EPB41L2: variants seen among roughly 807,000 people sequenced by gnomAD.
The protein encoded by EPB41L2 is band 4.1-like protein 2.
Under a neutral mutation model 113.0 loss-of-function variants are expected in EPB41L2, and 43 were observed. The ratio of observed to expected loss-of-function variants is 0.38; its 90% confidence interval spans 0.30 to 0.49. EPB41L2 has a LOEUF of 0.49. Ranked by LOEUF, EPB41L2 falls within the 20% of genes least tolerant of loss-of-function variation. EPB41L2 has a pLI of 0.95. For missense variants in EPB41L2, 1,147 were observed against 1,223.4 expected, an observed-to-expected ratio of 0.94 and a Z score of 0.93; for synonymous variants, 442 against 436.7, an observed-to-expected ratio of 1.01 and a Z score of -0.15.
intron 8 of EPB41L2, among the ~76,000 whole-genome samples, chr6:130,898,819 A>C (rs1478733450): frequency 1.3e-5 from 2 of 152,150 alleles, no homozygotes; most frequent in African/African-American, 2.4e-5. Flanking sequence ...ATGTCTTTTA[A>C]ATAACTTTTA....
chr6:130,919,484 C>G (rs535401236), intron 4 of EPB41L2, among the ~76,000 whole-genome samples: 1 of 127,416 alleles, frequency 7.8e-6, no homozygotes, highest in South Asian at 3.0e-4. Flanking sequence ...TTTCCTCTCC[C>G]TCTAATTTTC....
intron 1 of EPB41L2, among the ~76,000 whole-genome samples, chr6:131,032,518 C>G (rs2128751769): frequency 6.6e-6 from 1 of 152,160 alleles, no homozygotes; most frequent in East Asian, 1.9e-4. Context: ...TCTCAAGAAC[C>G]AGTAGTGAGG....
At position 130,884,106 on chromosome 6, in the gene EPB41L2, AG is replaced by A. The variant is rs577051651; in HGVS notation, c.1833+989del. ...TCCCAGCACTTTGGGAAGCTGAGGC[AG>A]GTGGATCACTTGAGGTCAGGAGTTC... On this transcript the variant is annotated intron_variant, in intron 12 of 19. Coordinates refer to ENST00000337057, the MANE Select transcript of EPB41L2 (RefSeq NM_001431.4). Among the ~76,000 whole-genome samples, 36 of 152,304 alleles carry A rather than the reference AG, an allele frequency of 2.4e-4. 1 individual carries two copies. The South Asian group carries it at 6.8e-3, about 29-fold the overall frequency.
intron 1 of EPB41L2, among the ~76,000 whole-genome samples, chr6:131,035,010 C>T (rs1793003089): frequency 6.6e-6 from 1 of 152,152 alleles, no homozygotes; most frequent in African/African-American, 2.4e-5. Flanking sequence ...ATTCACACAT[C>T]CCACATCCAC....
intron 18 of EPB41L2, among the ~76,000 whole-genome samples, chr6:130,861,176 C>G (rs1781895696): frequency 6.6e-6 from 1 of 151,882 alleles, no homozygotes; most frequent in African/African-American, 2.4e-5. Context: ...AGGTTCACAC[C>G]ATTCTCCTGC....
At chr6:130,929,598 G>A (rs190781833) in intron 3 of EPB41L2, among the ~76,000 whole-genome samples, 128 of 152,168 alleles carry the variant, frequency 8.4e-4, no homozygotes, top group African/African-American at 2.9e-3. Flanking sequence ...TGATGAGCAC[G>A]ACAAACATGG....
At chr6:130,936,382 A>AG (rs1808795180) in intron 3 of EPB41L2, among the ~76,000 whole-genome samples, 1 of 152,236 alleles carries the variant, frequency 6.6e-6, no homozygotes, top group African/African-American at 2.4e-5. Flanking sequence ...CTCCAACAGA[A>AG]GGGTAAGTCC....
At chr6:130,897,672 C>T (rs1361693781) in intron 8 of EPB41L2, among the ~76,000 whole-genome samples, 1 of 152,100 alleles carries the variant, frequency 6.6e-6, no homozygotes, top group Non-Finnish European at 1.5e-5. Context: ...TTTCCTTCCT[C>T]CCTATTTCTG....
chr6:130,858,709 C>T (rs1427624830), intron 18 of EPB41L2, among the ~76,000 whole-genome samples: 1 of 152,272 alleles, frequency 6.6e-6, no homozygotes, highest in Non-Finnish European at 1.5e-5. Flanking sequence ...AACTGCAAGG[C>T]AGAGGACCAG....
At chr6:130,970,376 C>G (rs758049355) in intron 1 of EPB41L2, 1 of 152,200 alleles carries the variant, frequency 6.6e-6, no homozygotes, top group African/African-American at 2.4e-5. Flanking sequence ...AAAAGCTTAA[C>G]GAGCAAGACT....
chr6:130,916,609 G>A (rs1801172599), intron 4 of EPB41L2, among the ~76,000 whole-genome samples: 2 of 152,134 alleles, frequency 1.3e-5, no homozygotes. Flanking sequence ...GGCCCACTAG[G>A]ACTCCCCTCC....
chr6:130,925,287 C>A (rs1804324028), intron 4 of EPB41L2, among the ~76,000 whole-genome samples: 1 of 147,468 alleles, frequency 6.8e-6, no homozygotes, highest in African/African-American at 2.5e-5. Flanking sequence ...CTCCTGGGTT[C>A]AAGTGATTCT....
intron 19 of EPB41L2, among the ~76,000 whole-genome samples, chr6:130,844,864 G>A (rs2005012): frequency 0.44 from 66,315 of 151,722 alleles, 16,097 homozygotes; most frequent in African/African-American, 0.66. Context: ...CCAACATGGC[G>A]AAACCCAATC....
chr6:130,863,576 A>G lies in EPB41L2; in HGVS notation c.2910+62T>C. The G allele has an allele frequency of 3.4e-6, 4 of 1,189,544 alleles. No individual in the cohort carries two copies. The South Asian group carries it at 5.0e-5, about 15-fold the overall frequency. The allele number at this position is 1,189,544 out of a possible 1,614,324, so 73.7% of individuals were successfully genotyped here. On this transcript the variant is annotated intron_variant, in intron 18 of 19. Coordinates refer to ENST00000337057, the MANE Select transcript of EPB41L2 (RefSeq NM_001431.4). ...GTTTACACAGGTATGCGACATGATG[A>G]CAAATGTGAAACTTAGAAAACAAAC... is the stretch of plus-strand genomic sequence containing the variant.
At chr6:130,963,464 A>C (rs1010327908) in intron 1 of EPB41L2, among the ~76,000 whole-genome samples, 1 of 152,182 alleles carries the variant, frequency 6.6e-6, no homozygotes, top group Non-Finnish European at 1.5e-5. Flanking sequence ...ACAACTCTAA[A>C]TAAGAATGAA....
intron 1 of EPB41L2, among the ~76,000 whole-genome samples, chr6:131,004,635 C>CA: frequency 6.6e-6 from 1 of 152,304 alleles, no homozygotes; most frequent in East Asian, 1.9e-4. Flanking sequence ...CCAGACAGTG[C>CA]AATGCAGAAT....
At chr6:130,893,118 G>A (rs1389318934) in intron 10 of EPB41L2, among the ~76,000 whole-genome samples, 1 of 152,182 alleles carries the variant, frequency 6.6e-6, no homozygotes, top group Non-Finnish European at 1.5e-5. Flanking sequence ...AAGATGGTTA[G>A]ATGATCAAAG....
chr6:130,855,299 C>T (rs987554030), intron 19 of EPB41L2, among the ~76,000 whole-genome samples: 6 of 148,238 alleles, frequency 4.0e-5, no homozygotes, highest in East Asian at 4.1e-4. Flanking sequence ...TGAAGTGAAC[C>T]GAGATTGCGC....
At chr6:130,854,106 T>C (rs1779540389) in intron 19 of EPB41L2, among the ~76,000 whole-genome samples, 1 of 152,190 alleles carries the variant, frequency 6.6e-6, no homozygotes, top group African/African-American at 2.4e-5. Flanking sequence ...TAAAGGAAAT[T>C]GGTTAAATTT....
Sources: allele counts gnomAD v4.1 joint callset (sites outside exome capture counted in the v4.1 genomes callset), GRCh38; gene constraint gnomAD v4.1.1; transcripts MANE v1.5; gene names NCBI Gene and HGNC (gene_info 2026-07-23, HGNC 2026-07-21).